PTP4A1: variants seen among roughly 807,000 people sequenced by gnomAD.
PTP4A1 encodes the protein protein tyrosine phosphatase 4A1.
In PTP4A1, 9 loss-of-function variants were observed where a neutral mutation model predicts 20.5. That is an observed-to-expected ratio of 0.44 (90% CI 0.26 to 0.77). The LOEUF is 0.77. Ranked by LOEUF, PTP4A1 falls within the 30% of genes least tolerant of loss-of-function variation. The probability of loss-of-function intolerance (pLI) is 0.19; values close to 1 mark genes in which losing one functional copy is unlikely to be tolerated. For synonymous variants in PTP4A1, 78 were observed against 67.4 expected (o/e 1.16, Z -0.77); for missense variants, 137 against 218.8 (o/e 0.63, Z 2.36).
intron 2 of PTP4A1, among the ~76,000 whole-genome samples, chr6:63,544,331 AT>A (rs1395307493): frequency 6.6e-6 from 1 of 152,196 alleles, no homozygotes; most frequent in Non-Finnish European, 1.5e-5. Flanking sequence ...ACCTATGTAT[AT>A]ACATTATTTC....
At chr6:63,529,398 C>T (rs1034629968) in intron 2 of PTP4A1, among the ~76,000 whole-genome samples, 10 of 151,924 alleles carry the variant, frequency 6.6e-5, no homozygotes, top group African/African-American at 2.4e-4. Context: ...CAAGCAGAAA[C>T]TTTTCAATTC....
chr6:63,531,995 T>G (rs1018941169), intron 2 of PTP4A1, among the ~76,000 whole-genome samples: 4 of 152,174 alleles, frequency 2.6e-5, no homozygotes, highest in African/African-American at 9.7e-5. Context: ...GAGACGGGGT[T>G]TCACCATCTT....
intron 1 of PTP4A1, 62 bp downstream of exon 1, chr6:63,572,781 G>C: frequency 2.5e-6 from 1 of 398,258 alleles, no homozygotes; most frequent in Non-Finnish European, 4.4e-6. Flanking sequence ...CCCCATCCCC[G>C]CTGTCGCCTT....
Position 63,576,604 on chromosome 6 carries a change from A to C in PTP4A1, c.-277A>C, listed in dbSNP as rs1247022590. ...GTTATCCTGGACACAGAAGTGTTGAATTGAAATCCACAGAGCATTTTACAA... is the reference window on the plus strand; with the variant it reads ...GTTATCCTGGACACAGAAGTGTTGACTTGAAATCCACAGAGCATTTTACAA... On this transcript the variant is annotated 5_prime_UTR_variant, in exon 2 of 6. Transcript: ENST00000626021. The C allele has an allele frequency of 2.1e-6, 1 of 478,340 alleles. No homozygotes were observed. Among genetic ancestry groups the C allele is most frequent in the East Asian group, 3.3e-5 (1 of 30,264 alleles). 29.6% of individuals were successfully genotyped at this position (478,340 alleles called of 1,614,324 possible). A position where few individuals can be genotyped will look rare whatever the true frequency, so the allele number is the denominator to read the frequency against.
chr6:63,552,514 A>G (rs937185600), intron 3 of PTP4A1, among the ~76,000 whole-genome samples: 12 of 152,036 alleles, frequency 7.9e-5, no homozygotes, highest in Admixed American at 1.3e-4. Context: ...AGTTTCTTTT[A>G]CTGTGCAGAA....
chr6:63,579,221 T>C lies in PTP4A1; in HGVS notation c.330-36T>C, dbSNP rs774404540. ...AAATAAATTTACAAAGATCTGATTT[T>C]GAAAAAACTATTTATCAAAATTCTT... On this transcript the variant is annotated intron_variant, in intron 4 of 5. Transcript: ENST00000626021. 8 of 1,567,834 alleles carry C rather than the reference T, an allele frequency of 5.1e-6. No homozygotes were observed. In the African/African-American group the frequency reaches 8.2e-5, roughly 16 times the overall value.
intron 3 of PTP4A1, among the ~76,000 whole-genome samples, chr6:63,560,844 T>G (rs1342982010): frequency 6.6e-6 from 1 of 152,214 alleles, no homozygotes; most frequent in African/African-American, 2.4e-5. Flanking sequence ...TGGCACCAGT[T>G]CACAGACTAC....
rs2149519634 is a variant in PTP4A1 at position 63,581,600 on chromosome 6, TG to T, written c.*1427del. 6.6e-6 allele frequency: 1 copy of T among 152,304 alleles called. No individual in the cohort carries two copies. The highest frequency in any genetic ancestry group is 2.4e-5 in the African/African-American group (1 of 41,576). 9.4% of individuals were successfully genotyped at this position (152,304 alleles called of 1,614,324 possible). ...TTTTAGTAAACTTTTAGACAAAATT[TG>T]TTAGGGTCATTCATGAAAACTTTAA... On this transcript the variant is annotated 3_prime_UTR_variant, in exon 6 of 6. Coordinates refer to ENST00000626021, the MANE Select transcript of PTP4A1 (RefSeq NM_003463.5).
intron 2 of PTP4A1, among the ~76,000 whole-genome samples, chr6:63,540,427 C>A (rs1775909201): frequency 6.6e-6 from 1 of 151,970 alleles, no homozygotes; most frequent in Non-Finnish European, 1.5e-5. Flanking sequence ...TTGAGACCAG[C>A]CTGATCAACA....
chr6:63,579,517 A>G (rs1778083405), intron 5 of PTP4A1, among the ~76,000 whole-genome samples, 186 bp downstream of exon 5: 1 of 152,228 alleles, frequency 6.6e-6, no homozygotes, highest in East Asian at 1.9e-4. Flanking sequence ...CTAAGATTCT[A>G]ATCCAACAAG....
Position 63,545,637 on chromosome 6 carries a change from A to G in PTP4A1, c.-639-4663A>G, listed in dbSNP as rs533689354. ...AAAAAAAAAAGGAAGAAAGAAAGAA[A>G]TTTCCAATCTTACCTTGTACTTTTC... On this transcript the variant is annotated intron_variant, in intron 2 of 3. Transcript: ENST00000639568. 1.4e-4 allele frequency among the ~76,000 whole-genome samples: 21 copies of G among 152,196 alleles called. No homozygotes were observed. In the South Asian group the frequency reaches 3.3e-3, roughly 24 times the overall value.
At chr6:63,549,653 C>T in intron 2 of PTP4A1, 1 of 477,512 alleles carries the variant, frequency 2.1e-6, no homozygotes, top group East Asian at 3.3e-5. Flanking sequence ...CTGTCATTGG[C>T]AGTAACACGG....
At chr6:63,567,690 G>A (rs1189572832), upstream of PTP4A1, among the ~76,000 whole-genome samples, 2 of 152,184 alleles carry the variant, frequency 1.3e-5, no homozygotes, top group Non-Finnish European at 2.9e-5. Context: ...CAAGAGAACT[G>A]CCTGTCCTTC....
chr6:63,556,360 T>C (rs1776688135), intron 3 of PTP4A1, among the ~76,000 whole-genome samples: 1 of 152,090 alleles, frequency 6.6e-6, no homozygotes, highest in African/African-American at 2.4e-5. Flanking sequence ...TTTTCTTTTT[T>C]TGTAGAGACG....
intron 3 of PTP4A1, among the ~76,000 whole-genome samples, chr6:63,555,686 T>G (rs1285110584): frequency 6.7e-6 from 1 of 150,208 alleles, no homozygotes; most frequent in Non-Finnish European, 1.5e-5. Context: ...ACTTCTCAAT[T>G]ACACTCTTTT....
At chr6:63,556,812 T>A (rs1776706979) in intron 3 of PTP4A1, among the ~76,000 whole-genome samples, 1 of 152,164 alleles carries the variant, frequency 6.6e-6, no homozygotes, top group African/African-American at 2.4e-5. Context: ...TTACAAGAAA[T>A]GCCCAAATAT....
rs142787292 is a variant in PTP4A1 at position 63,559,217 on chromosome 6, T to G, written c.-446+8724T>G. On this transcript the variant is annotated intron_variant, in intron 3 of 3. Coordinates refer to the PTP4A1 transcript ENST00000639568. ...GGAAAAATATCTTATAAATACTCCC[T>G]TGTAACAAAGATTATTAAAGCTGTT... Among the ~76,000 whole-genome samples, 425 of 152,264 alleles carry G rather than the reference T, an allele frequency of 2.8e-3. 3 individuals are homozygous for G. Among genetic ancestry groups the G allele is most frequent in the African/African-American group, 9.6e-3 (398 of 41,552 alleles).
At chr6:63,548,589 T>C (rs570739087) in intron 2 of PTP4A1, 11 of 301,216 alleles carry the variant, frequency 3.7e-5, no homozygotes, top group Admixed American at 2.2e-4. Flanking sequence ...CCAGGGTACA[T>C]GGTAGAAATT....
chr6:63,580,224 T>A lies in PTP4A1; in HGVS notation c.*50T>A, dbSNP rs546765127. 3.1e-5 allele frequency: 43 copies of A among 1,378,568 alleles called. No homozygotes were observed. In the South Asian group the frequency reaches 4.4e-4, roughly 14 times the overall value. The allele number at this position is 1,378,568 out of a possible 1,614,324, so 85.4% of individuals were successfully genotyped here. A position where few individuals can be genotyped will look rare whatever the true frequency, so the allele number is the denominator to read the frequency against. On this transcript the variant is annotated 3_prime_UTR_variant, in exon 6 of 6. Coordinates refer to ENST00000626021, the MANE Select transcript of PTP4A1 (RefSeq NM_003463.5). ...AAGTGGAACTTGAGATAGGGCCTAATTTGTTATACATATTAGCCAACATGT... is the reference window on the plus strand; with the variant it reads ...AAGTGGAACTTGAGATAGGGCCTAAATTGTTATACATATTAGCCAACATGT...
Sources: gnomAD v4.1 joint callset for allele counts (sites outside exome capture counted in the v4.1 genomes callset) on GRCh38, gnomAD v4.1.1 for gene constraint, MANE v1.5 for transcripts, NCBI Gene and HGNC (gene_info 2026-07-23, HGNC 2026-07-21) for gene names.